The following KHDRBS2 variants were observed in gnomAD, a reference collection of about 807,000 sequenced individuals.
The protein encoded by KHDRBS2 is KH RNA binding domain containing, signal transduction associated 2, also known as KH domain-containing, RNA-binding, signal transduction-associated protein 2.
A neutral mutation model predicts 44.3 loss-of-function variants in KHDRBS2; 26 were observed. The observed-to-expected ratio is 0.59, with a 90% CI of 0.43 to 0.81. The LOEUF is 0.81. KHDRBS2 is among the 40% of genes least tolerant of loss of function. The pLI is 0.00. For missense variants in KHDRBS2, 476 were observed against 433.1 expected, an observed-to-expected ratio of 1.10 and a Z score of -0.88; for synonymous variants, 194 against 151.1, an observed-to-expected ratio of 1.28 and a Z score of -2.08.
chr6:62,125,918 A>G (rs1035587730), intron 2 of KHDRBS2, among the ~76,000 whole-genome samples: 5 of 152,156 alleles, frequency 3.3e-5, no homozygotes, highest in African/African-American at 1.2e-4. Context: ...GAATATTCCA[A>G]GCTGTGGTGG....
At chr6:61,556,809 C>T in the KHDRBS2 span, among the ~76,000 whole-genome samples, 2 of 143,742 alleles carry the variant, frequency 1.4e-5, no homozygotes, top group Non-Finnish European at 3.0e-5. Flanking sequence ...ACTAAAGGGT[C>T]AATATTTAAT....
chr6:62,158,270 A>C (rs555222), intron 2 of KHDRBS2, among the ~76,000 whole-genome samples: 25,995 of 152,042 alleles, frequency 0.17, 2,498 homozygotes, highest in African/African-American at 0.26. Flanking sequence ...AAAACAGAAG[A>C]AGCTAATATT....
intron 1 of KHDRBS2, among the ~76,000 whole-genome samples, chr6:62,185,599 T>C (rs989583146): frequency 6.6e-6 from 1 of 152,018 alleles, no homozygotes; most frequent in African/African-American, 2.4e-5. Context: ...TTTTGATTAT[T>C]GAAGTAGAAA....
intron 3 of KHDRBS2, among the ~76,000 whole-genome samples, chr6:62,000,069 G>A (rs537895834): frequency 9.2e-5 from 14 of 152,138 alleles, no homozygotes; most frequent in African/African-American, 3.4e-4. Flanking sequence ...TCCAGGATTA[G>A]GATGATATGG....
At chr6:61,592,443 T>C in the KHDRBS2 span, among the ~76,000 whole-genome samples, 1 of 152,088 alleles carries the variant, frequency 6.6e-6, no homozygotes, top group Non-Finnish European at 1.5e-5. Flanking sequence ...GCCTCACAGG[T>C]AGCAGACCTC....
the KHDRBS2 span, among the ~76,000 whole-genome samples, chr6:61,611,422 G>A: frequency 6.6e-6 from 1 of 152,190 alleles, no homozygotes; most frequent in African/African-American, 2.4e-5. Context: ...ACAGAGGTAA[G>A]ACTAAGAGTT....
At chr6:61,877,606 A>G (rs544203727) in intron 6 of KHDRBS2, among the ~76,000 whole-genome samples, 199 of 152,024 alleles carry the variant, frequency 1.3e-3, no homozygotes, top group Admixed American at 3.2e-3. Context: ...CTGACAAATA[A>G]TAAAGATACA....
At chr6:61,761,871 C>G (rs1779319590) in intron 6 of KHDRBS2, among the ~76,000 whole-genome samples, 1 of 152,100 alleles carries the variant, frequency 6.6e-6, no homozygotes, top group Non-Finnish European at 1.5e-5. Flanking sequence ...CTAATTCATT[C>G]TTTTCAGGTT....
At chr6:61,771,584 C>T (rs1780917746) in intron 6 of KHDRBS2, among the ~76,000 whole-genome samples, 1 of 152,060 alleles carries the variant, frequency 6.6e-6, no homozygotes, top group South Asian at 2.1e-4. Flanking sequence ...TCAAAAGAGA[C>T]AAAGAAGGCC....
chr6:62,270,124 C>A (rs1839834870), intron 1 of KHDRBS2, among the ~76,000 whole-genome samples: 1 of 152,012 alleles, frequency 6.6e-6, no homozygotes, highest in South Asian at 2.1e-4. Flanking sequence ...AAAATGTGAT[C>A]CACAGTGTTG....
At chr6:61,568,434 C>T in the KHDRBS2 span, among the ~76,000 whole-genome samples, 13 of 152,108 alleles carry the variant, frequency 8.5e-5, no homozygotes, top group Non-Finnish European at 1.6e-4. Flanking sequence ...TAATATGCAG[C>T]TCTGACTTGG....
chr6:62,232,240 A>G (rs1350753545), intron 1 of KHDRBS2, among the ~76,000 whole-genome samples: 1 of 152,168 alleles, frequency 6.6e-6, no homozygotes, highest in Non-Finnish European at 1.5e-5. Context: ...AAGCCCCATG[A>G]AGGAAAGAAT....
intron 1 of KHDRBS2, among the ~76,000 whole-genome samples, chr6:62,215,807 T>C (rs144878959): frequency 0.016 from 2,412 of 151,720 alleles, 70 homozygotes; most frequent in Non-Finnish European, 0.023. Context: ...TGAGGACTTA[T>C]GTTGAAGAAG....
Position 61,707,266 on chromosome 6 carries a change from C to T in KHDRBS2, c.894-10013G>A, listed in dbSNP as rs73472993. ...GAGAGTTGCAGATGAGGTGGGGGAT[C>T]AAGGATTCTACTCCATGTCCACCCC... On this transcript the variant is annotated intron_variant, in intron 7 of 8. Coordinates refer to ENST00000281156, the MANE Select transcript of KHDRBS2 (RefSeq NM_152688.4). Among the ~76,000 whole-genome samples the T allele has an allele frequency of 8.0e-3, 1,218 of 151,804 alleles. 23 individuals carry two copies. The highest frequency in any genetic ancestry group is 0.028 in the African/African-American group (1,166 of 41,468).
intron 7 of KHDRBS2, among the ~76,000 whole-genome samples, chr6:61,730,724 G>A (rs889032260): frequency 2.6e-5 from 4 of 152,026 alleles, no homozygotes; most frequent in African/African-American, 9.7e-5. Context: ...AGGAGACAGG[G>A]AAGGCAGCAG....
intron 3 of KHDRBS2, among the ~76,000 whole-genome samples, chr6:62,023,126 G>A (rs182293935): frequency 1.9e-3 from 290 of 151,706 alleles, no homozygotes; most frequent in African/African-American, 6.7e-3. Flanking sequence ...AACCTAGGAG[G>A]TCAAAGTAAG....
the KHDRBS2 span, among the ~76,000 whole-genome samples, chr6:61,609,413 A>G: frequency 6.6e-6 from 1 of 152,224 alleles, no homozygotes; most frequent in African/African-American, 2.4e-5. Context: ...AAGAGTAACT[A>G]TAATGATGTA....
chr6:61,610,040 G>C, the KHDRBS2 span, among the ~76,000 whole-genome samples: 6 of 152,086 alleles, frequency 3.9e-5, no homozygotes, highest in East Asian at 1.9e-4. Context: ...GCTGGGCGTG[G>C]TGGTTGGTGC....
chr6:62,079,819 A>T (rs1355341879), intron 2 of KHDRBS2, among the ~76,000 whole-genome samples: 1 of 152,044 alleles, frequency 6.6e-6, no homozygotes, highest in East Asian at 1.9e-4. Context: ...TCTCAGAAAG[A>T]TGTATTTATT....
Sources: allele counts gnomAD v4.1 joint callset (sites outside exome capture counted in the v4.1 genomes callset), GRCh38; gene constraint gnomAD v4.1.1; transcripts MANE v1.5; gene names NCBI Gene and HGNC (gene_info 2026-07-23, HGNC 2026-07-21).